CALN1: variants seen among roughly 807,000 people sequenced by gnomAD.
The protein encoded by CALN1 is calcium-binding protein 8.
CALN1 carries 17 observed loss-of-function variants against 30.6 expected under a neutral mutation model. The ratio of observed to expected loss-of-function variants is 0.56; its 90% CI spans 0.38 to 0.83. The LOEUF is 0.83. Among genes scored for constraint, CALN1 ranks in the 40% least tolerant of loss-of-function variants. CALN1 has a pLI of 0.00. For synonymous variants in CALN1, 156 were observed against 131.4 expected, an observed-to-expected ratio of 1.19 and a Z score of -1.28; for missense variants, 291 against 354.9, an observed-to-expected ratio of 0.82 and a Z score of 1.45.
At chr7:71,909,009 T>TG (rs1394721082) in intron 5 of CALN1, among the ~76,000 whole-genome samples, 2 of 152,180 alleles carry the variant, frequency 1.3e-5, no homozygotes, top group African/African-American at 2.4e-5. Context: ...CGTGACATTT[T>TG]ATTGATTGAT....
At chr7:72,442,889 A>T (rs1396562163) in intron 1 of CALN1, among the ~76,000 whole-genome samples, 1 of 150,390 alleles carries the variant, frequency 6.6e-6, no homozygotes, top group Non-Finnish European at 1.5e-5. Flanking sequence ...GCACTTTATT[A>T]AGGGTTGTGC....
At chr7:71,965,914 C>T (rs1584629312) in intron 5 of CALN1, among the ~76,000 whole-genome samples, 1 of 151,804 alleles carries the variant, frequency 6.6e-6, no homozygotes, top group African/African-American at 2.4e-5. Flanking sequence ...AGGACAGTAG[C>T]GGTGCTTCTT....
chr7:72,483,280 CT>C, the CALN1 span, among the ~76,000 whole-genome samples: 526 of 100,094 alleles, frequency 5.3e-3, 5 homozygotes, highest in African/African-American at 0.016. Flanking sequence ...TTTTCTTTTT[CT>C]TTTTTTTTTT....
chr7:71,785,055 C>T lies in CALN1; in HGVS notation c.*2720G>A, dbSNP rs548200001. The T allele has an allele frequency of 1.3e-4, 50 of 394,364 alleles. No individual in the cohort carries two copies. In the Admixed American group the frequency reaches 1.3e-3, roughly 10 times the overall value. 24.4% of individuals were successfully genotyped at this position (394,364 alleles called of 1,614,324 possible). On this transcript the variant is annotated 3_prime_UTR_variant, in exon 7 of 7. Coordinates refer to ENST00000395275, the MANE Select transcript of CALN1 (RefSeq NM_031468.4). The stretch of plus-strand genomic sequence containing the variant: ...TGAGCTCCTGAAGTCTAAGGAATGC[C>T]GCTAGCTCAGGGCCGTCTCCACGCA...
intron 3 of CALN1, among the ~76,000 whole-genome samples, chr7:72,180,388 A>G (rs1789679412): frequency 6.6e-6 from 1 of 151,918 alleles, no homozygotes; most frequent in African/African-American, 2.4e-5. Context: ...TAAACCTTTC[A>G]TCTCATGGTT....
chr7:71,836,507 G>T (rs555248317), intron 5 of CALN1, among the ~76,000 whole-genome samples: 3 of 152,056 alleles, frequency 2.0e-5, no homozygotes, highest in African/African-American at 7.2e-5. Flanking sequence ...GCGATGAACC[G>T]CCTTTAAGGG....
intron 3 of CALN1, among the ~76,000 whole-genome samples, chr7:72,251,309 T>C (rs60369863): frequency 0.36 from 54,286 of 152,096 alleles, 10,669 homozygotes; most frequent in Middle Eastern, 0.55. Context: ...TCTATCCCAA[T>C]TGTTTTCATC....
the CALN1 span, among the ~76,000 whole-genome samples, chr7:72,466,700 G>A: frequency 4.0e-5 from 6 of 151,306 alleles, no homozygotes; most frequent in Admixed American, 6.6e-5. Flanking sequence ...CCAAGATCGC[G>A]CCACTGCACA....
chr7:71,807,484 G>A (rs62459041), intron 6 of CALN1, among the ~76,000 whole-genome samples: 11,762 of 152,142 alleles, frequency 0.077, 637 homozygotes, highest in Non-Finnish European at 0.12. Flanking sequence ...TTGTGTCTGG[G>A]GGACAAACAA....
At chr7:72,344,009 A>T (rs1019519990) in intron 2 of CALN1, among the ~76,000 whole-genome samples, 1 of 152,082 alleles carries the variant, frequency 6.6e-6, no homozygotes, top group Non-Finnish European at 1.5e-5. Context: ...CTAAAGATAA[A>T]GAAAGGTCTA....
intron 3 of CALN1, among the ~76,000 whole-genome samples, chr7:72,217,746 G>C (rs1380749893): frequency 2.0e-5 from 3 of 151,694 alleles, no homozygotes; most frequent in African/African-American, 7.3e-5. Flanking sequence ...GGGAGGCTTA[G>C]GTGGGAGGAT....
intron 3 of CALN1, among the ~76,000 whole-genome samples, chr7:72,197,771 A>C (rs1293919626): frequency 1.3e-5 from 2 of 152,196 alleles, no homozygotes; most frequent in African/African-American, 4.8e-5. Context: ...CTGGAGGATC[A>C]CTTGAGCCCA....
intron 2 of CALN1, among the ~76,000 whole-genome samples, chr7:72,292,085 G>C (rs185452388): frequency 6.6e-6 from 1 of 151,736 alleles, no homozygotes. Flanking sequence ...CTACTAGGTT[G>C]TACAAGAATA....
At chr7:71,814,136 T>C (rs987087929) in intron 5 of CALN1, among the ~76,000 whole-genome samples, 7 of 152,026 alleles carry the variant, frequency 4.6e-5, no homozygotes, top group South Asian at 2.1e-4. Flanking sequence ...AAGCAGCTAA[T>C]TGAGGGAAAA....
chr7:72,372,150 A>G (rs1434874479), intron 2 of CALN1, among the ~76,000 whole-genome samples: 1 of 152,152 alleles, frequency 6.6e-6, no homozygotes, highest in African/African-American at 2.4e-5. Flanking sequence ...AAAATCCCCT[A>G]TGATTATTTC....
At chr7:72,114,450 A>T (rs771326198) in intron 3 of CALN1, among the ~76,000 whole-genome samples, 1 of 151,722 alleles carries the variant, frequency 6.6e-6, no homozygotes, top group Non-Finnish European at 1.5e-5. Context: ...TCTAGCGAGC[A>T]GCTGCAAATA....
chr7:71,801,573 C>T (rs933385498), intron 6 of CALN1, among the ~76,000 whole-genome samples: 1 of 151,990 alleles, frequency 6.6e-6, no homozygotes, highest in Non-Finnish European at 1.5e-5. Context: ...TCAGTTTCCT[C>T]ATCTACATGA....
chr7:71,814,090 A>G (rs962397911), intron 5 of CALN1, among the ~76,000 whole-genome samples: 3 of 152,176 alleles, frequency 2.0e-5, no homozygotes, highest in African/African-American at 7.2e-5. Context: ...GGAATCTTGG[A>G]GAACAATGTC....
chr7:72,154,645 C>CA (rs1787521058), intron 3 of CALN1, among the ~76,000 whole-genome samples: 1 of 152,120 alleles, frequency 6.6e-6, no homozygotes, highest in Non-Finnish European at 1.5e-5. Flanking sequence ...TACTAAAACT[C>CA]AGATGTTGAA....
Sources: allele counts gnomAD v4.1 joint callset (sites outside exome capture counted in the v4.1 genomes callset), GRCh38; gene constraint gnomAD v4.1.1; transcripts MANE v1.5; gene names NCBI Gene and HGNC (gene_info 2026-07-23, HGNC 2026-07-21).